Variants in PDPN observed in about 807,000 individuals in gnomAD.
The protein encoded by PDPN is podoplanin.
In PDPN, 12 loss-of-function variants were observed where a neutral mutation model predicts 23.2. That is an observed-to-expected ratio of 0.52 (90% CI 0.33 to 0.84). The LOEUF (loss-of-function observed/expected upper bound fraction) is 0.84. Ranked by LOEUF, PDPN falls within the 40% of genes least tolerant of loss-of-function variation. The probability of loss-of-function intolerance (pLI) is 0.02; values close to 1 mark genes in which losing one functional copy is unlikely to be tolerated. For synonymous variants in PDPN, 77 were observed against 76.7 expected (o/e 1.00, Z -0.02); for missense variants, 199 against 212.2 (o/e 0.94, Z 0.39).
chr1:13,609,437 T>C lies in PDPN; in HGVS notation c.202-950T>C, dbSNP rs1336128352. Among the ~76,000 whole-genome samples the C allele has an allele frequency of 2.0e-5, 3 of 152,316 alleles. No individual in the cohort carries two copies. In the East Asian group the frequency reaches 5.8e-4, roughly 29 times the overall value. ...GTGCTCATTAGCATATGTTTTTTATTGTGGTTAAAAAAATAACATGAAATT... is the reference window on the plus strand; with the variant it reads ...GTGCTCATTAGCATATGTTTTTTATCGTGGTTAAAAAAATAACATGAAATT... On this transcript the variant is annotated intron_variant, in intron 2 of 5. Transcript: ENST00000621990.
chr1:13,596,688 C>G (rs375861488), intron 1 of PDPN, among the ~76,000 whole-genome samples: 13 of 152,080 alleles, frequency 8.5e-5, no homozygotes, highest in African/African-American at 3.1e-4. Context: ...AGCAAAACAT[C>G]GATATTCCAA....
intron 1 of PDPN, among the ~76,000 whole-genome samples, chr1:13,588,662 T>TA (rs1640250112): frequency 6.8e-6 from 1 of 146,964 alleles, no homozygotes; most frequent in African/African-American, 2.5e-5. Context: ...TATTTACATA[T>TA]ATATAAAATA....
rs970385096 is a variant in PDPN, at chr1:13,584,441, G to A, written c.67+341G>A. On this transcript the variant is annotated intron_variant, in intron 1 of 5. Coordinates refer to ENST00000621990, the MANE Select transcript of PDPN (RefSeq NM_006474.5). The stretch of plus-strand genomic sequence containing the variant: ...CCCGCTTGCTGGCAGCAGTGGCTGG[G>A]GTTTCCTTCCCATAGAGCGGTGTGT... 9 of 802,002 alleles carry A rather than the reference G, an allele frequency of 1.1e-5. No individual in the cohort carries two copies. The East Asian group carries it at 2.5e-4, about 22-fold the overall frequency. The allele number at this position is 802,002 out of a possible 1,614,324, so 49.7% of individuals were successfully genotyped here. A position where few individuals can be genotyped will look rare whatever the true frequency, so the allele number is the denominator to read the frequency against.
In PDPN at chr1:13,587,608, A is replaced by G. The variant is rs369653721; in HGVS notation, c.67+3508A>G. The stretch of plus-strand genomic sequence containing the variant: ...CACTCTTGGTGCCCCAAAACTTCTC[A>G]GGGAAGTACCCAGTGTGCACGTTTT... On this transcript the variant is annotated intron_variant, in intron 1 of 5. Transcript: ENST00000621990. Among the ~76,000 whole-genome samples the G allele has an allele frequency of 1.2e-4, 18 of 152,290 alleles. No homozygotes were observed. The East Asian group carries it at 1.9e-3, about 16-fold the overall frequency.
At chr1:13,608,068 G>A (rs1557548744) in intron 2 of PDPN, among the ~76,000 whole-genome samples, 1 of 152,138 alleles carries the variant, frequency 6.6e-6, no homozygotes, top group Non-Finnish European at 1.5e-5. Flanking sequence ...TCGCACCACT[G>A]CACTCCAGCC....
In PDPN at chr1:13,617,928, T is replaced by C. The variant is rs938358613; in HGVS notation, c.*2017T>C. On this transcript the variant is annotated 3_prime_UTR_variant, in exon 6 of 6. Coordinates refer to ENST00000621990, the MANE Select transcript of PDPN (RefSeq NM_006474.5). Reference sequence around the variant, plus strand: ...TGGTGCTCAATGCAGTGTAGACATGTTTTCAAATAAAACAAATGATTGTGT... The same window carrying C: ...TGGTGCTCAATGCAGTGTAGACATGCTTTCAAATAAAACAAATGATTGTGT... 6 of 152,106 alleles carry C rather than the reference T, an allele frequency of 3.9e-5. No homozygotes were observed. Among genetic ancestry groups the C allele is most frequent in the African/African-American group, 1.2e-4 (5 of 41,414 alleles). The allele number at this position is 152,106 out of a possible 1,614,324, so 9.4% of individuals were successfully genotyped here.
chr1:13,608,516 T>TAGAACACTGCCC (rs1313318297), intron 2 of PDPN, among the ~76,000 whole-genome samples: 4 of 152,204 alleles, frequency 2.6e-5, no homozygotes, highest in Non-Finnish European at 5.9e-5. Flanking sequence ...TTTCTCTGCC[T>TAGAACACTGCCC]AGAACACTGC....
In PDPN at chr1:13,616,454, CTAAACT is replaced by C. The variant is rs1445448628; in HGVS notation, c.*545_*550del. ...TGGTGTGAATAATCAACTAGGAAAT[CTAAACT>C]TGGATAACACGTGGTGAACAACTGC... On this transcript the variant is annotated 3_prime_UTR_variant, in exon 6 of 6. Transcript: ENST00000621990. 6.4e-6 allele frequency: 1 copy of C among 155,060 alleles called. No individual in the cohort carries two copies. Among genetic ancestry groups the C allele is most frequent in the Non-Finnish European group, 1.4e-5 (1 of 69,806 alleles). 9.6% of individuals were successfully genotyped at this position (155,060 alleles called of 1,614,324 possible).
chr1:13,610,708 G>T (rs1412613700), intron 3 of PDPN, among the ~76,000 whole-genome samples, 192 bp downstream of exon 3: 2 of 152,162 alleles, frequency 1.3e-5, no homozygotes, highest in Admixed American at 1.3e-4. Context: ...GTTGCTGAAC[G>T]TACCTCTCTA....
intron 1 of PDPN, among the ~76,000 whole-genome samples, chr1:13,597,733 A>G (rs956373613): frequency 6.6e-6 from 1 of 152,144 alleles, no homozygotes; most frequent in Admixed American, 6.6e-5. Flanking sequence ...TCACTTTGGG[A>G]GGCCAAGGTG....
chr1:13,607,757 C>T (rs1640827952), intron 2 of PDPN, among the ~76,000 whole-genome samples: 1 of 152,122 alleles, frequency 6.6e-6, no homozygotes, highest in Non-Finnish European at 1.5e-5. Flanking sequence ...ACTTTCAATA[C>T]AATGAAAGTT....
intron 1 of PDPN, among the ~76,000 whole-genome samples, chr1:13,604,434 C>G (rs113427194): frequency 0.012 from 1,611 of 138,506 alleles, 31 homozygotes; most frequent in African/African-American, 0.04. Flanking sequence ...AGACATGCAT[C>G]TTAATCCTGA....
intron 1 of PDPN, among the ~76,000 whole-genome samples, chr1:13,597,613 C>T (rs952762733): frequency 5.3e-5 from 8 of 152,148 alleles, no homozygotes; most frequent in African/African-American, 1.7e-4. Flanking sequence ...GAGAGGAAGT[C>T]CCCATCTAGA....
At chr1:13,599,011 C>CTTTTTTTTTTTTTTTTTTTTTTTTT (rs35244657) in intron 1 of PDPN, among the ~76,000 whole-genome samples, 7 of 127,050 alleles carry the variant, frequency 5.5e-5, no homozygotes, top group Non-Finnish European at 1.0e-4. Flanking sequence ...GCCCCCCCTC[C>CTTTTTTTTTTTTTTTTTTTTTTTTT]TTTTTTTTTT....
At chr1:13,599,894 T>C (rs1640598100) in intron 1 of PDPN, among the ~76,000 whole-genome samples, 1 of 152,192 alleles carries the variant, frequency 6.6e-6, no homozygotes, top group Non-Finnish European at 1.5e-5. Context: ...TTTTTGCTGC[T>C]GCCTTAACTT....
chr1:13,596,063 GTGGCAGGTGCC>G (rs1445672602), intron 1 of PDPN: 4 of 346,078 alleles, frequency 1.2e-5, no homozygotes, highest in Non-Finnish European at 2.3e-5. Flanking sequence ...GCTGGACATG[GTGGCAGGTGCC>G]TGTAATCCCA....
chr1:13,584,510 C>T (rs1293608128), intron 1 of PDPN, among the ~76,000 whole-genome samples: 1 of 152,202 alleles, frequency 6.6e-6, no homozygotes, highest in African/African-American at 2.4e-5. Context: ...CTCGTAGAAT[C>T]AGGAGGGACG....
At chr1:13,605,733 C>T (rs1314721246) in intron 1 of PDPN, among the ~76,000 whole-genome samples, 2 of 152,260 alleles carry the variant, frequency 1.3e-5, no homozygotes, top group South Asian at 2.1e-4. Flanking sequence ...AGCGATTCTC[C>T]TGCCTCAGCC....
At chr1:13,595,947 C>G in intron 1 of PDPN, 1 of 1,163,038 alleles carries the variant, frequency 8.6e-7, no homozygotes, top group South Asian at 1.3e-5. Flanking sequence ...ACTGTAATCC[C>G]AGGACTTTGG....
Sources: gnomAD v4.1 joint callset for allele counts (sites outside exome capture counted in the v4.1 genomes callset) on GRCh38, gnomAD v4.1.1 for gene constraint, MANE v1.5 for transcripts, NCBI Gene and HGNC (gene_info 2026-07-23, HGNC 2026-07-21) for gene names.